C1QL1: variants seen among roughly 807,000 people sequenced by gnomAD.
C1QL1 encodes the protein C1q-related factor.
C1QL1 carries 15 observed loss-of-function variants against 14.2 expected under a neutral mutation model. That is an observed-to-expected ratio of 1.06 (90% CI 0.71 to 1.62). The LOEUF is 1.62. Among genes scored for constraint, C1QL1 ranks in the 40% most tolerant of loss-of-function variants. C1QL1 has a pLI of 0.00. For synonymous variants in C1QL1, 172 were observed against 172.4 expected (o/e 1.00, Z 0.02); for missense variants, 346 against 380.3 (o/e 0.91, Z 0.75).
chr17:44,965,428 G>A (rs923312095), intron 1 of C1QL1, among the ~76,000 whole-genome samples: 3 of 152,170 alleles, frequency 2.0e-5, no homozygotes, highest in East Asian at 1.9e-4. Flanking sequence ...GATTACAGAC[G>A]TGAGCCACCA....
intron 1 of C1QL1, among the ~76,000 whole-genome samples, chr17:44,964,122 C>T (rs1398884002): frequency 6.6e-6 from 1 of 152,178 alleles, no homozygotes; most frequent in Non-Finnish European, 1.5e-5. Flanking sequence ...CAGAGGGAGC[C>T]TCAGTGCCAG....
In C1QL1 at chr17:44,967,043, G is replaced by A. The variant is rs1474926356; in HGVS notation, c.597+409C>T. On this transcript the variant is annotated intron_variant, in intron 1 of 1. Transcript: ENST00000253407. This position sits in a 1 kb window ranked among gnomAD's most constrained non-coding sequence, Gnocchi z 7.0. Reference sequence around the variant, plus strand: ...CACGCGCCTAGGCGCCCGCGGGCGCGGATGCTGCTTCTCCCTGTTCCATAC... The same window carrying A: ...CACGCGCCTAGGCGCCCGCGGGCGCAGATGCTGCTTCTCCCTGTTCCATAC... Among the ~76,000 whole-genome samples, 2 of 152,140 alleles carry A rather than the reference G, an allele frequency of 1.3e-5. No homozygotes were observed. Among genetic ancestry groups the A allele is most frequent in the Non-Finnish European group, 1.5e-5 (1 of 68,026 alleles).
At chr17:44,963,448 A>C (rs534310017) in intron 1 of C1QL1, among the ~76,000 whole-genome samples, 7 of 152,136 alleles carry the variant, frequency 4.6e-5, no homozygotes, top group South Asian at 4.2e-4. Context: ...TTTGAGACAG[A>C]GTCTTGCTCT....
At chr17:44,962,055 C>T (rs1350901887) in intron 1 of C1QL1, among the ~76,000 whole-genome samples, 1 of 151,882 alleles carries the variant, frequency 6.6e-6, no homozygotes, top group East Asian at 1.9e-4. Flanking sequence ...GGAAGAGAAG[C>T]GCCCTCTCCA....
At chr17:44,965,471 G>T (rs1390120065) in intron 1 of C1QL1, among the ~76,000 whole-genome samples, 1 of 152,156 alleles carries the variant, frequency 6.6e-6, no homozygotes, top group Non-Finnish European at 1.5e-5. Flanking sequence ...TTTTGAGGGG[G>T]CTGGTCTGAA....
chr17:44,964,178 C>T (rs1233295891), intron 1 of C1QL1, among the ~76,000 whole-genome samples: 1 of 152,170 alleles, frequency 6.6e-6, no homozygotes, highest in African/African-American at 2.4e-5. Flanking sequence ...GGAGAGGAGG[C>T]AGAGCCCAGA....
intron 1 of C1QL1, among the ~76,000 whole-genome samples, chr17:44,964,694 G>A (rs2052647318): frequency 1.3e-5 from 2 of 152,198 alleles, no homozygotes; most frequent in Admixed American, 6.5e-5. Flanking sequence ...CTCCTAGTAG[G>A]GGCTCAAAAC....
Position 44,967,490 on chromosome 17 carries a change from C to A in C1QL1, c.559G>T (p.Gly187Cys). 6.2e-7 allele frequency: 1 copy of A among 1,613,970 alleles called. No individual in the cohort carries two copies. The highest frequency in any genetic ancestry group is 8.5e-7 in the Non-Finnish European group (1 of 1,179,914). Residue 187 changes from glycine (G) to cysteine (C), a missense_variant, in exon 1 of 2, where the codon GGC (glycine) becomes TGC (cysteine). Transcript: ENST00000253407. This position sits in a 1 kb window ranked among gnomAD's most constrained non-coding sequence, Gnocchi z 7.0. ...CAGAGGTCTGCCCACATACTGGTGC[C>A]GTCGCCGCCGCGCATGAGGACATGG... ...TYHVLMRGGD[G>C]TSMWADLCKN...
Position 44,967,962 on chromosome 17 carries a change from GC to G in C1QL1, c.86del (p.Arg29ProfsTer24). 7.4e-7 allele frequency: 1 copy of G among 1,349,950 alleles called. No homozygotes were observed. The highest frequency in any genetic ancestry group is 9.5e-7 in the Non-Finnish European group (1 of 1,051,554). The allele number at this position is 1,349,950 out of a possible 1,614,324, so 83.6% of individuals were successfully genotyped here. On this transcript the variant is annotated frameshift_variant, in exon 1 of 2. Transcript: ENST00000253407. LOFTEE classifies it high-confidence loss of function. This position sits in a 1 kb window ranked among gnomAD's most constrained non-coding sequence, Gnocchi z 7.0. ...GCGCGGGGTAGGGGTCGCACACCAT[GC>G]GGCAGGTGCCCAGCATCTCATAGTG... ...EGHYEMLGTCRMVCDPYPARG... is the reference protein window; with the variant it reads ...EGHYEMLGTCXMVCDPYPARG...
chr17:44,963,369 G>C (rs1180072722), intron 1 of C1QL1, among the ~76,000 whole-genome samples: 1 of 151,570 alleles, frequency 6.6e-6, no homozygotes, highest in Non-Finnish European at 1.5e-5. Context: ...TTAGGGGCCA[G>C]AAAGGATAGC....
intron 1 of C1QL1, 116 bp from the exon 2 acceptor site, chr17:44,960,483 C>G (rs1435494551): frequency 1.5e-6 from 1 of 688,134 alleles, no homozygotes; most frequent in Non-Finnish European, 2.5e-6. Flanking sequence ...CCTCCAGCCT[C>G]GCCTCATCCC....
intron 1 of C1QL1, among the ~76,000 whole-genome samples, 178 bp from the exon 2 acceptor site, chr17:44,960,545 G>A (rs2052622129): frequency 6.6e-6 from 1 of 152,220 alleles, no homozygotes; most frequent in Admixed American, 6.5e-5. Flanking sequence ...ACTTGTTTCA[G>A]GAAAGGGGCA....
At position 44,960,151 on chromosome 17, in the gene C1QL1, C is replaced by T; in HGVS notation, c.*37G>A. The T allele has an allele frequency of 6.3e-7, 1 of 1,596,306 alleles. No individual in the cohort carries two copies. The highest frequency in any genetic ancestry group is 8.6e-7 in the Non-Finnish European group (1 of 1,165,758). On this transcript the variant is annotated 3_prime_UTR_variant, in exon 2 of 2. Coordinates refer to ENST00000253407, the MANE Select transcript of C1QL1 (RefSeq NM_006688.5). ...CTGCCCCGCCCGGAGGGGACCCCGGCGGGTGAGGGACGTGGGTGGAGGGAG... is the reference window on the plus strand; with the variant it reads ...CTGCCCCGCCCGGAGGGGACCCCGGTGGGTGAGGGACGTGGGTGGAGGGAG...
Position 44,967,959 on chromosome 17 carries a change from C to T in C1QL1, c.90G>A (p.Met30Ile), listed in dbSNP as rs2052667696. ...CCCGCGCGGGGTAGGGGTCGCACAC[C>T]ATGCGGCAGGTGCCCAGCATCTCAT... ...GHYEMLGTCR[M>I]VCDPYPARGP... Residue 30 changes from methionine to isoleucine, a missense_variant, in exon 1 of 2, where the codon ATG becomes ATA. Met to Ile is a conservative substitution (Grantham distance 10). Transcript: ENST00000253407. The surrounding 1 kb of genome is among the most constrained non-coding windows in gnomAD (Gnocchi z 7.0). 7.4e-7 allele frequency: 1 copy of T among 1,347,434 alleles called. No homozygotes were observed. The highest frequency in any genetic ancestry group is 2.0e-5 in the South Asian group (1 of 49,812). 83.5% of individuals were successfully genotyped at this position (1,347,434 alleles called of 1,614,324 possible). A position where few individuals can be genotyped will look rare whatever the true frequency, so the allele number is the denominator to read the frequency against.
At position 44,967,367 on chromosome 17, in the gene C1QL1, C is replaced by G; in HGVS notation, c.597+85G>C. ...TCCACCTGCGTCCGCCTGGCGCCCC[C>G]GCCAACTCCGATCAGGTACCCATTT... On this transcript the variant is annotated intron_variant, in intron 1 of 1. Coordinates refer to ENST00000253407, the MANE Select transcript of C1QL1 (RefSeq NM_006688.5). The surrounding 1 kb of genome is among the most constrained non-coding windows in gnomAD (Gnocchi z 7.0). 3 of 1,414,028 alleles carry G rather than the reference C, an allele frequency of 2.1e-6. No homozygotes were observed. The highest frequency in any genetic ancestry group is 2.4e-5 in the South Asian group (2 of 82,146). 87.6% of individuals were successfully genotyped at this position (1,414,028 alleles called of 1,614,324 possible).
In C1QL1 at chr17:44,968,019, G is replaced by T. The variant is rs201283537; in HGVS notation, c.30C>A (p.Pro10=). MLLVLVVLI[P]VLVSSGGPEG... is the part of the protein sequence containing the mutation. ...CCGGGCCGCCCGAGCTCACCAGCAC[G>T]GGGATGAGCACCACCAGCACCAGCA... The change falls in exon 1 of 2, where the codon CCC becomes CCA. Residue 10 remains proline (P), a synonymous_variant. Transcript: ENST00000253407. 3.8e-5 allele frequency: 53 copies of T among 1,381,418 alleles called. No homozygotes were observed. The highest frequency in any genetic ancestry group is 4.9e-5 in the Non-Finnish European group (52 of 1,064,422). 85.6% of individuals were successfully genotyped at this position (1,381,418 alleles called of 1,614,324 possible).
intron 1 of C1QL1, among the ~76,000 whole-genome samples, chr17:44,965,979 A>T (rs973991688): frequency 3.3e-5 from 5 of 152,248 alleles, no homozygotes; most frequent in Non-Finnish European, 1.5e-5. Flanking sequence ...AACCAAGGAC[A>T]AAGAGGAGAG....
At position 44,967,277 on chromosome 17, in the gene C1QL1, G is replaced by C. The variant is rs2052661689; in HGVS notation, c.597+175C>G. 6.6e-6 allele frequency among the ~76,000 whole-genome samples: 1 copy of C among 152,218 alleles called. No individual in the cohort carries two copies. The highest frequency in any genetic ancestry group is 6.5e-5 in the Admixed American group (1 of 15,284). On this transcript the variant is annotated intron_variant, in intron 1 of 1. Transcript: ENST00000253407. The surrounding 1 kb of genome is among the most constrained non-coding windows in gnomAD (Gnocchi z 7.0). ...GGGAACCCAGGAACTGAGGATCGGC[G>C]ATGTCCGCTGGCTCCGACCATCCCC...
Position 44,967,439 on chromosome 17 carries a change from C to T in C1QL1, c.597+13G>A. 1 of 1,611,732 alleles carries T rather than the reference C, an allele frequency of 6.2e-7. No individual in the cohort carries two copies. Among genetic ancestry groups the T allele is most frequent in the Non-Finnish European group, 8.5e-7 (1 of 1,179,070 alleles). On this transcript the variant is annotated intron_variant, in intron 1 of 1. Transcript: ENST00000253407. The surrounding 1 kb of genome is among the most constrained non-coding windows in gnomAD (Gnocchi z 7.0). ...CTGGGCCCAGCCCAGCCCCATGCCCCCGCCTGGCCCACCTGGCCATTCTTG... is the reference window on the plus strand; with the variant it reads ...CTGGGCCCAGCCCAGCCCCATGCCCTCGCCTGGCCCACCTGGCCATTCTTG...
Sources: gnomAD v4.1 joint callset for allele counts (sites outside exome capture counted in the v4.1 genomes callset) on GRCh38, gnomAD v4.1.1 for gene constraint, Gnocchi (gnomAD v3.1) non-coding constraint, MANE v1.5 for transcripts, NCBI Gene and HGNC (gene_info 2026-07-23, HGNC 2026-07-21) for gene names.